PRIM2: variants seen among roughly 807,000 people sequenced by gnomAD.
PRIM2 encodes DNA primase subunit 2, also known as DNA primase large subunit.
Under a neutral mutation model 67.3 loss-of-function variants are expected in PRIM2, and 39 were observed. The ratio of observed to expected loss-of-function variants is 0.58; its 90% CI spans 0.45 to 0.76. The LOEUF (loss-of-function observed/expected upper bound fraction) is 0.76, where lower values mean the gene tolerates loss of function less well. Among genes scored for constraint, PRIM2 ranks in the 30% least tolerant of loss-of-function variants. The probability of loss-of-function intolerance (pLI) is 0.00; values close to 1 mark genes in which losing one functional copy is unlikely to be tolerated. For synonymous variants in PRIM2, 143 were observed against 198.7 expected (o/e 0.72, Z 2.36); for missense variants, 398 against 598.7 (o/e 0.66, Z 3.50).
At chr6:57,575,431 C>A (rs1412158663) in intron 10 of PRIM2, among the ~76,000 whole-genome samples, 1 of 152,260 alleles carries the variant, frequency 6.6e-6, no homozygotes, top group South Asian at 2.1e-4. Context: ...TCCTTCACTA[C>A]ACATTGTAAA....
chr6:57,255,306 G>A, the PRIM2 span, among the ~76,000 whole-genome samples: 2 of 152,006 alleles, frequency 1.3e-5, no homozygotes, highest in African/African-American at 4.8e-5. Flanking sequence ...AGACCATCCT[G>A]GCTAACACAG....
At chr6:57,613,829 C>CT (rs1319203603) in intron 12 of PRIM2, among the ~76,000 whole-genome samples, 4,523 of 151,602 alleles carry the variant, frequency 0.03, 236 homozygotes, top group African/African-American at 0.1. Context: ...TATGTCTACT[C>CT]TTTTTTTTTA....
At chr6:57,527,631 C>G (rs1261605245) in intron 8 of PRIM2, among the ~76,000 whole-genome samples, 2 of 152,188 alleles carry the variant, frequency 1.3e-5, no homozygotes, top group African/African-American at 4.8e-5. Flanking sequence ...TGCCTCACAT[C>G]TTTTCATGAT....
At chr6:57,643,514 T>C (rs1204435378) in intron 13 of PRIM2, among the ~76,000 whole-genome samples, 1 of 152,198 alleles carries the variant, frequency 6.6e-6, no homozygotes, top group African/African-American at 2.4e-5. Flanking sequence ...TTCCCCAAGG[T>C]CTTTCTAATC....
chr6:57,226,207 A>G, the PRIM2 span, among the ~76,000 whole-genome samples: 2 of 152,252 alleles, frequency 1.3e-5, no homozygotes, highest in African/African-American at 4.8e-5. Context: ...ACACATATAC[A>G]CAAATAAGTG....
chr6:57,509,527 A>T (rs1215152593), intron 8 of PRIM2, among the ~76,000 whole-genome samples: 1 of 152,052 alleles, frequency 6.6e-6, no homozygotes, highest in East Asian at 1.9e-4. Context: ...CTGGCTTAAG[A>T]CCCATCTCTG....
chr6:57,475,994 C>T (rs1773469334), intron 7 of PRIM2, among the ~76,000 whole-genome samples: 1 of 152,074 alleles, frequency 6.6e-6, no homozygotes, highest in Non-Finnish European at 1.5e-5. Context: ...GTTTTCCTGA[C>T]TCCTAGGTCA....
chr6:57,534,475 T>G (rs1319216145), intron 9 of PRIM2, among the ~76,000 whole-genome samples: 12 of 152,210 alleles, frequency 7.9e-5, no homozygotes, highest in Non-Finnish European at 1.6e-4. Flanking sequence ...ATGATCATTT[T>G]TCTATCTGTA....
At chr6:57,269,521 T>C in the PRIM2 span, among the ~76,000 whole-genome samples, 10 of 152,250 alleles carry the variant, frequency 6.6e-5, no homozygotes, top group Admixed American at 6.5e-5. Context: ...TTGTAGATTC[T>C]GGATATTAGC....
intron 7 of PRIM2, among the ~76,000 whole-genome samples, chr6:57,483,516 C>T (rs1310209495): frequency 1.3e-5 from 2 of 151,980 alleles, no homozygotes; most frequent in East Asian, 1.9e-4. Flanking sequence ...AAAACCCCAC[C>T]GAAACCAAAC....
At position 57,545,189 on chromosome 6, in the gene PRIM2, G is replaced by A. The variant is rs1487998949; in HGVS notation, c.1020+7564G>A. 2.6e-5 allele frequency among the ~76,000 whole-genome samples: 4 copies of A among 152,032 alleles called. No homozygotes were observed. In the East Asian group the frequency reaches 5.8e-4, roughly 22 times the overall value. On this transcript the variant is annotated intron_variant, in intron 10 of 13. Coordinates refer to ENST00000615550, the MANE Select transcript of PRIM2 (RefSeq NM_000947.5). ...TTCTAAATCAAAATATGGATTGGTA[G>A]AATATACAAATATACAAATATTTAA...
chr6:57,253,456 G>T, the PRIM2 span, among the ~76,000 whole-genome samples: 1 of 152,026 alleles, frequency 6.6e-6, no homozygotes, highest in East Asian at 1.9e-4. Context: ...GCCTGATTTT[G>T]GTTAAGTCTA....
At chr6:57,377,763 T>G (rs1450338117) in intron 5 of PRIM2, among the ~76,000 whole-genome samples, 9 of 152,110 alleles carry the variant, frequency 5.9e-5, no homozygotes, top group Admixed American at 3.9e-4. Context: ...TTTCCTTATA[T>G]AGGCCTAATC....
chr6:57,618,583 G>A (rs1443770524), intron 12 of PRIM2, among the ~76,000 whole-genome samples: 1 of 152,162 alleles, frequency 6.6e-6, no homozygotes, highest in African/African-American at 2.4e-5. Flanking sequence ...GGTCTGTTGT[G>A]GGGGGCATGG....
chr6:57,271,308 C>G, the PRIM2 span, among the ~76,000 whole-genome samples: 1 of 152,254 alleles, frequency 6.6e-6, no homozygotes, highest in East Asian at 1.9e-4. Context: ...ATTTCAGAGC[C>G]TGTTATTGGT....
chr6:57,265,824 C>G, the PRIM2 span, among the ~76,000 whole-genome samples: 1 of 152,168 alleles, frequency 6.6e-6, no homozygotes, highest in Non-Finnish European at 1.5e-5. Context: ...GACACTGACT[C>G]ATTTTCCAAA....
At chr6:57,246,947 T>C in the PRIM2 span, among the ~76,000 whole-genome samples, 1 of 151,868 alleles carries the variant, frequency 6.6e-6, no homozygotes, top group Non-Finnish European at 1.5e-5. Context: ...CTCCGCCTCC[T>C]GGGTTCACGC....
intron 8 of PRIM2, among the ~76,000 whole-genome samples, chr6:57,519,637 C>T (rs2127463740): frequency 6.6e-6 from 1 of 152,268 alleles, no homozygotes; most frequent in Non-Finnish European, 1.5e-5. Flanking sequence ...ATTGCTCAAA[C>T]ACACATGCTG....
chr6:57,352,522 A>G (rs548773185), intron 5 of PRIM2, among the ~76,000 whole-genome samples: 2 of 152,298 alleles, frequency 1.3e-5, no homozygotes, highest in East Asian at 3.9e-4. Flanking sequence ...TACAGGTGTG[A>G]GCCACCACGC....
Sources: gnomAD v4.1 joint callset for allele counts (sites outside exome capture counted in the v4.1 genomes callset) on GRCh38, gnomAD v4.1.1 for gene constraint, MANE v1.5 for transcripts, NCBI Gene and HGNC (gene_info 2026-07-23, HGNC 2026-07-21) for gene names.